Variants in AMZ2 observed in about 807,000 individuals in gnomAD.
AMZ2 encodes archaemetzincin-2.
Under a neutral mutation model 36.7 loss-of-function variants are expected in AMZ2, and 26 were observed. That is an observed-to-expected ratio of 0.71 (90% confidence interval 0.52 to 0.98). The LOEUF is 0.98. Among genes scored for constraint, AMZ2 ranks in the 50% least tolerant of loss-of-function variants. AMZ2 has a pLI of 0.00. For synonymous variants in AMZ2, 144 were observed against 149.1 expected (o/e 0.97, Z 0.25); for missense variants, 394 against 430.5 (o/e 0.92, Z 0.75).
At chr17:68,215,833 C>G (rs1320776230) in intron 1 of AMZ2, among the ~76,000 whole-genome samples, 2 of 151,070 alleles carry the variant, frequency 1.3e-5, no homozygotes, top group African/African-American at 2.4e-5. Context: ...GATATTCACT[C>G]TCACTGCCTC....
intron 1 of AMZ2, among the ~76,000 whole-genome samples, chr17:68,233,117 C>G (rs1555731661): frequency 6.6e-6 from 1 of 152,232 alleles, no homozygotes; most frequent in Non-Finnish European, 1.5e-5. Context: ...GTTGTGTCCT[C>G]ACATGGCTGG....
chr17:68,210,957 A>AAG (rs1491227480), intron 1 of AMZ2, among the ~76,000 whole-genome samples: 7 of 117,874 alleles, frequency 5.9e-5, no homozygotes, highest in Admixed American at 3.7e-4. Context: ...TCAAAAAAAA[A>AAG]GGGGGGGGGG....
At chr17:68,231,291 G>A (rs1166559554) in intron 1 of AMZ2, among the ~76,000 whole-genome samples, 1 of 151,846 alleles carries the variant, frequency 6.6e-6, no homozygotes, top group African/African-American at 2.4e-5. Context: ...GGTTGGTCTT[G>A]AATTCCTGGG....
Position 68,248,259 on chromosome 17 carries a change from G to A in AMZ2, c.-447G>A, listed in dbSNP as rs1555737029. On this transcript the variant is annotated 5_prime_UTR_variant, in exon 1 of 7. Coordinates refer to ENST00000359904, the MANE Select transcript of AMZ2 (RefSeq NM_016627.5). Reference sequence around the variant, plus strand: ...TGGCGGAAGCCGCGGGGTCCGCGGGGTCGGTGCCTCTAGGGAGCCAGGGAG... The same window carrying A: ...TGGCGGAAGCCGCGGGGTCCGCGGGATCGGTGCCTCTAGGGAGCCAGGGAG... The A allele has an allele frequency of 2.1e-5, 21 of 985,866 alleles. No individual in the cohort carries two copies. The highest frequency in any genetic ancestry group is 2.5e-5 in the Non-Finnish European group (21 of 830,198). The allele number at this position is 985,866 out of a possible 1,614,324, so 61.1% of individuals were successfully genotyped here. A position where few individuals can be genotyped will look rare whatever the true frequency, so the allele number is the denominator to read the frequency against.
chr17:68,254,869 G>GA (rs2074778101), intron 5 of AMZ2, among the ~76,000 whole-genome samples: 1 of 152,140 alleles, frequency 6.6e-6, no homozygotes, highest in East Asian at 1.9e-4. Context: ...TCAAGCTACT[G>GA]TGGTCATTGG....
At chr17:68,247,979 T>C (rs1485051135), upstream of AMZ2, 1 of 984,688 alleles carries the variant, frequency 1.0e-6, no homozygotes, top group Non-Finnish European at 1.2e-6. Flanking sequence ...CCACAGGGCG[T>C]GCGCGACGCA....
chr17:68,248,164 T>G lies in AMZ2; in HGVS notation c.-542T>G. Reference sequence around the variant, plus strand: ...GCTGGGCCGGGGCCCCTAGGCAGGGTAGCCGGGTCGTAGAGGCGGGGGCCG... The same window carrying G: ...GCTGGGCCGGGGCCCCTAGGCAGGGGAGCCGGGTCGTAGAGGCGGGGGCCG... On this transcript the variant is annotated 5_prime_UTR_variant, in exon 1 of 7. Coordinates refer to ENST00000359904, the MANE Select transcript of AMZ2 (RefSeq NM_016627.5). 1 of 986,134 alleles carries G rather than the reference T, an allele frequency of 1.0e-6. No homozygotes were observed. Among genetic ancestry groups the G allele is most frequent in the Non-Finnish European group, 1.2e-6 (1 of 830,596 alleles). 61.1% of individuals were successfully genotyped at this position (986,134 alleles called of 1,614,324 possible). A position where few individuals can be genotyped will look rare whatever the true frequency, so the allele number is the denominator to read the frequency against.
chr17:68,206,978 T>G (rs9892851), intron 1 of AMZ2: 56,808 of 152,278 alleles, frequency 0.37, 13,022 homozygotes, highest in African/African-American at 0.63. Flanking sequence ...TTGTTTTTGG[T>G]TAAATCAAAA....
intron 1 of AMZ2, among the ~76,000 whole-genome samples, chr17:68,237,474 C>T (rs1351827749): frequency 1.3e-5 from 2 of 152,224 alleles, no homozygotes. Flanking sequence ...GCTCTCTTTT[C>T]AGTTCCTCCT....
chr17:68,249,313 ATAT>A (rs2074261066), intron 1 of AMZ2: 2 of 206,006 alleles, frequency 9.7e-6, no homozygotes, highest in East Asian at 1.1e-4. Flanking sequence ...GAGTTAATTC[ATAT>A]TATTATTTTT....
intron 1 of AMZ2, among the ~76,000 whole-genome samples, chr17:68,221,204 T>C (rs1555728386): frequency 2.4e-3 from 124 of 50,886 alleles, no homozygotes; most frequent in Admixed American, 3.4e-3. Context: ...GCCTCAGCCC[T>C]CAGCTCCCCC....
At chr17:68,246,216 AAATT>A (rs1385682589), upstream of AMZ2, among the ~76,000 whole-genome samples, 2 of 150,536 alleles carry the variant, frequency 1.3e-5, no homozygotes, top group East Asian at 1.9e-4. Flanking sequence ...AAAAAAAAAA[AAATT>A]AGCCGGGCGT....
At chr17:68,232,475 G>A (rs2144605978) in intron 1 of AMZ2, among the ~76,000 whole-genome samples, 1 of 139,416 alleles carries the variant, frequency 7.2e-6, no homozygotes, top group Non-Finnish European at 1.5e-5. Context: ...GAGCCTGGGT[G>A]ACAGAACAAG....
At chr17:68,210,166 C>T (rs376662599) in intron 1 of AMZ2, among the ~76,000 whole-genome samples, 17 of 152,146 alleles carry the variant, frequency 1.1e-4, no homozygotes, top group African/African-American at 3.4e-4. Flanking sequence ...CTATATGACC[C>T]GGTAATTCTA....
chr17:68,256,328 C>T (rs1311607488), intron 6 of AMZ2, among the ~76,000 whole-genome samples: 3 of 152,120 alleles, frequency 2.0e-5, no homozygotes, highest in African/African-American at 7.2e-5. Flanking sequence ...TGTGTGTGCC[C>T]ACACTTGCCC....
chr17:68,209,632 A>ATATATATGTATATATATTT lies in AMZ2; in HGVS notation c.-67+3395_-67+3396insATATATGTATATATATTTT. Among the ~76,000 whole-genome samples, 281 of 90,458 alleles carry ATATATATGTATATATATTT rather than the reference A, an allele frequency of 3.1e-3. 1 individual carries two copies. Among genetic ancestry groups the ATATATATGTATATATATTT allele is most frequent in the East Asian group, 0.018 (42 of 2,384 alleles). 59.3% of individuals were successfully genotyped at this position (90,458 alleles called of 152,430 possible). ...TATGTATATATATATATATATATAT[A>ATATATATGTATATATATTT]TTTTTTTTTTTTTTTATACAGAGTC... On this transcript the variant is annotated intron_variant, in intron 1 of 7. Transcript: ENST00000674770.
upstream of AMZ2, chr17:68,246,766 G>A (rs1382148864): frequency 6.6e-6 from 1 of 152,244 alleles, no homozygotes; most frequent in Non-Finnish European, 1.5e-5. Context: ...GAAGTTGAAA[G>A]GTTCAGAGTT....
At chr17:68,242,937 G>T (rs1555734397), upstream of AMZ2, among the ~76,000 whole-genome samples, 1 of 151,646 alleles carries the variant, frequency 6.6e-6, no homozygotes, top group East Asian at 2.0e-4. Flanking sequence ...CAAGCTACCT[G>T]GGAGACTGAG....
chr17:68,206,138 G>A lies in AMZ2; in HGVS notation c.-167G>A, dbSNP rs539660346. On this transcript the variant is annotated 5_prime_UTR_variant, in exon 1 of 8. Transcript: ENST00000674770. ...AGGAGCATGAGATGGAGGAGGACGAGGCTGATTCCGATTATCTGGAGGAGC... is the reference window on the plus strand; with the variant it reads ...AGGAGCATGAGATGGAGGAGGACGAAGCTGATTCCGATTATCTGGAGGAGC... 1.1e-5 allele frequency: 14 copies of A among 1,307,536 alleles called. No individual in the cohort carries two copies. In the African/African-American group the frequency reaches 1.5e-4, roughly 14 times the overall value. The allele number at this position is 1,307,536 out of a possible 1,614,324, so 81.0% of individuals were successfully genotyped here.
Sources: gnomAD v4.1 joint callset for allele counts (sites outside exome capture counted in the v4.1 genomes callset) on GRCh38, gnomAD v4.1.1 for gene constraint, MANE v1.5 for transcripts, NCBI Gene and HGNC (gene_info 2026-07-23, HGNC 2026-07-21) for gene names.